Variants in NRCAM observed in about 807,000 individuals in gnomAD.
The protein encoded by NRCAM is NgCAM-related cell adhesion molecule.
In NRCAM, 83 loss-of-function variants were observed where a neutral mutation model predicts 156.5. The ratio of observed to expected loss-of-function variants is 0.53; its 90% CI spans 0.44 to 0.64. The LOEUF is 0.64. NRCAM is among the 30% of genes least tolerant of loss of function. NRCAM has a pLI of 0.00. For missense variants in NRCAM, 1,417 were observed against 1,597.3 expected, an observed-to-expected ratio of 0.89 and a Z score of 1.92; for synonymous variants, 538 against 563.9, an observed-to-expected ratio of 0.95 and a Z score of 0.65.
Position 108,150,054 on chromosome 7 carries a change from G to A in NRCAM, c.3771C>T (p.Asp1257=). 1 of 1,614,060 alleles carries A rather than the reference G, an allele frequency of 6.2e-7. No homozygotes were observed. The highest frequency in any genetic ancestry group is 1.1e-5 in the South Asian group (1 of 91,080). ...KKEDSDDSLV[D]YGEGVNGQFN... ...ACTGGCCATTAACCCCTTCTCCATA[G>A]TCAACTAGGCTGTCGTCACTATCTT... Residue 1257 remains aspartate, a synonymous_variant, in exon 33 of 33, where the codon GAC becomes GAT. Coordinates refer to ENST00000379028, the MANE Select transcript of NRCAM (RefSeq NM_001037132.4).
At chr7:108,412,612 T>C (rs1466569356) in intron 1 of NRCAM, among the ~76,000 whole-genome samples, 2 of 152,188 alleles carry the variant, frequency 1.3e-5, no homozygotes, top group African/African-American at 4.8e-5. Context: ...TTAATAACTA[T>C]AGTCATCATG....
At chr7:108,163,544 A>G (rs1563203920) in intron 30 of NRCAM, among the ~76,000 whole-genome samples, 1 of 152,202 alleles carries the variant, frequency 6.6e-6, no homozygotes, top group Non-Finnish European at 1.5e-5. Context: ...ACCTTAACCA[A>G]AGTTTGGAGA....
chr7:108,257,943 A>G (rs1315435979), intron 3 of NRCAM, among the ~76,000 whole-genome samples: 3 of 152,054 alleles, frequency 2.0e-5, no homozygotes, highest in African/African-American at 7.2e-5. Context: ...TCTCCACTTC[A>G]CCGGGCATGC....
chr7:108,358,963 T>C (rs76198508), intron 2 of NRCAM, among the ~76,000 whole-genome samples: 5,086 of 152,276 alleles, frequency 0.033, 266 homozygotes, highest in African/African-American at 0.12. Context: ...CAGATTTGCA[T>C]AGATATGTCT....
intron 3 of NRCAM, among the ~76,000 whole-genome samples, chr7:108,270,742 G>A (rs1270018227): frequency 6.6e-6 from 1 of 152,176 alleles, no homozygotes; most frequent in Non-Finnish European, 1.5e-5. Context: ...TGATACTGAG[G>A]ACATTACGCC....
intron 2 of NRCAM, among the ~76,000 whole-genome samples, chr7:108,367,931 C>T (rs17155579): frequency 0.11 from 17,222 of 152,058 alleles, 1,377 homozygotes; most frequent in African/African-American, 0.22. Flanking sequence ...AAGACTCAAA[C>T]CCTAACGTAT....
intron 2 of NRCAM, among the ~76,000 whole-genome samples, chr7:108,389,694 G>T (rs1341733059): frequency 1.3e-5 from 2 of 152,146 alleles, no homozygotes; most frequent in South Asian, 4.1e-4. Context: ...CTATGGGTTT[G>T]TCATAAATAG....
chr7:108,158,833 A>G (rs933490556), intron 32 of NRCAM, among the ~76,000 whole-genome samples: 3 of 152,180 alleles, frequency 2.0e-5, no homozygotes, highest in Non-Finnish European at 4.4e-5. Flanking sequence ...TTGTTTAAAG[A>G]GAAGATTTTT....
At chr7:108,242,668 T>G (rs2095614564) in intron 3 of NRCAM, among the ~76,000 whole-genome samples, 1 of 152,188 alleles carries the variant, frequency 6.6e-6, no homozygotes, top group South Asian at 2.1e-4. Context: ...AGAACCAAAC[T>G]CTGAAAAGGA....
chr7:108,235,349 T>A (rs2094834598), intron 5 of NRCAM, among the ~76,000 whole-genome samples: 1 of 152,174 alleles, frequency 6.6e-6, no homozygotes, highest in Admixed American at 6.5e-5. Context: ...TCAAATCCTA[T>A]GGGGAAACTG....
chr7:108,452,007 T>C (rs1292099402), intron 1 of NRCAM, among the ~76,000 whole-genome samples: 1 of 152,244 alleles, frequency 6.6e-6, no homozygotes, highest in Non-Finnish European at 1.5e-5. Context: ...AATAAACATA[T>C]TGCATTTGCT....
intron 9 of NRCAM, 149 bp downstream of exon 9, chr7:108,226,059 A>T (rs531741228): frequency 7.5e-5 from 47 of 625,684 alleles, no homozygotes; most frequent in Admixed American, 8.4e-5. Context: ...TCTTTATAAC[A>T]TATATGCCAA....
At chr7:108,299,053 C>A (rs984454281) in intron 3 of NRCAM, among the ~76,000 whole-genome samples, 1 of 125,972 alleles carries the variant, frequency 7.9e-6, no homozygotes, top group Non-Finnish European at 1.7e-5. Context: ...TTGCAGTGAA[C>A]CAAGATCACA....
chr7:108,187,771 A>G (rs2067988899), intron 20 of NRCAM, among the ~76,000 whole-genome samples: 1 of 151,972 alleles, frequency 6.6e-6, no homozygotes, highest in African/African-American at 2.4e-5. Flanking sequence ...CTAGTACGGC[A>G]AAACCCCATC....
chr7:108,195,987 A>G (rs376561493), intron 14 of NRCAM, 115 bp from the exon 15 acceptor site: 2 of 708,472 alleles, frequency 2.8e-6, no homozygotes, highest in Non-Finnish European at 5.0e-6. Context: ...CAAGCAATCT[A>G]TCTCTCTCCT....
intron 27 of NRCAM, among the ~76,000 whole-genome samples, chr7:108,175,655 C>T (rs1361161333): frequency 1.3e-5 from 2 of 152,012 alleles, no homozygotes; most frequent in East Asian, 1.9e-4. Context: ...ATATTTCAAA[C>T]CAATTTTTGG....
intron 29 of NRCAM, 146 bp downstream of exon 29, chr7:108,168,131 C>G: frequency 1.2e-6 from 1 of 809,702 alleles, no homozygotes; most frequent in Non-Finnish European, 1.7e-6. Context: ...GCTGATGGTT[C>G]ACTATAATTT....
chr7:108,198,828 T>C (rs2076470961), intron 13 of NRCAM, among the ~76,000 whole-genome samples: 1 of 152,246 alleles, frequency 6.6e-6, no homozygotes, highest in Non-Finnish European at 1.5e-5. Flanking sequence ...GACAATGTTT[T>C]CAGCTAAATC....
intron 2 of NRCAM, among the ~76,000 whole-genome samples, chr7:108,350,249 C>G (rs2099401937): frequency 1.3e-5 from 2 of 152,224 alleles, no homozygotes; most frequent in African/African-American, 4.8e-5. Flanking sequence ...ACTCACTGTT[C>G]AACCATCCTA....
Sources: gnomAD v4.1 joint callset for allele counts (sites outside exome capture counted in the v4.1 genomes callset) on GRCh38, gnomAD v4.1.1 for gene constraint, MANE v1.5 for transcripts, NCBI Gene and HGNC (gene_info 2026-07-23, HGNC 2026-07-21) for gene names.